The following EYS variants were observed in gnomAD, a reference collection of about 807,000 sequenced individuals.
EYS encodes the protein EGF-like photoreceptor maintenance factor.
Under a neutral mutation model 282.1 loss-of-function variants are expected in EYS, and 250 were observed. The observed-to-expected ratio is 0.89, with a 90% confidence interval of 0.80 to 0.98. The LOEUF (loss-of-function observed/expected upper bound fraction) is 0.98, where lower values mean the gene tolerates loss of function less well. Among genes scored for constraint, EYS ranks in the 50% least tolerant of loss-of-function variants. EYS has a pLI of 0.00. For synonymous variants in EYS, 1,355 were observed against 1,282.9 expected (o/e 1.06, Z -1.20); for missense variants, 4,016 against 3,709.0 (o/e 1.08, Z -2.15).
At position 64,802,029 on chromosome 6, in the gene EYS, T is replaced by TTG. The variant is rs1185603602; in HGVS notation, c.3443+11348_3443+11349insCA. Among the ~76,000 whole-genome samples the TTG allele has an allele frequency of 2.1e-3, 234 of 114,070 alleles. 4 individuals carry two copies. The highest frequency in any genetic ancestry group is 8.0e-3 in the African/African-American group (225 of 28,200). 74.8% of individuals were successfully genotyped at this position (114,070 alleles called of 152,430 possible). On this transcript the variant is annotated intron_variant, in intron 22 of 42. Transcript: ENST00000503581. ...TTATAACAAATTTCTTTTTCTTTTT[T>TTG]TTTCTTTTTTTTTTTTTTTTTTGAG...
At chr6:64,109,376 C>T (rs149774943) in intron 31 of EYS, among the ~76,000 whole-genome samples, 164 of 151,982 alleles carry the variant, frequency 1.1e-3, no homozygotes, top group African/African-American at 3.8e-3. Context: ...TTCATCTGTC[C>T]GTTCTATTTC....
intron 30 of EYS, among the ~76,000 whole-genome samples, chr6:64,275,153 A>G (rs1281952499): frequency 2.0e-5 from 3 of 152,222 alleles, no homozygotes; most frequent in Non-Finnish European, 2.9e-5. Flanking sequence ...GAAAAGCAGA[A>G]ATATCTGTAA....
At chr6:65,402,672 T>G in intron 6 of EYS, 67 bp from the exon 7 acceptor site, 1 of 1,063,382 alleles carries the variant, frequency 9.4e-7, no homozygotes, top group Non-Finnish European at 1.4e-6. Flanking sequence ...GAATGGGTTC[T>G]TACCTGGAGA....
At chr6:65,018,949 G>C (rs767900254) in intron 13 of EYS, among the ~76,000 whole-genome samples, 5 of 152,040 alleles carry the variant, frequency 3.3e-5, no homozygotes, top group Non-Finnish European at 7.4e-5. Flanking sequence ...TGACCTTACT[G>C]TATGACATCA....
chr6:63,867,672 T>C (rs1052389208), intron 35 of EYS, among the ~76,000 whole-genome samples: 2 of 152,214 alleles, frequency 1.3e-5, no homozygotes, highest in African/African-American at 4.8e-5. Context: ...TCAAGTATTT[T>C]AAGGCCTTAG....
chr6:64,823,440 G>A (rs921840622), intron 19 of EYS, among the ~76,000 whole-genome samples: 6 of 151,708 alleles, frequency 4.0e-5, no homozygotes, highest in South Asian at 2.1e-4. Context: ...AGAAAACACC[G>A]AGATGATAAC....
intron 22 of EYS, among the ~76,000 whole-genome samples, chr6:64,769,061 A>C (rs1344289067): frequency 2.0e-5 from 3 of 152,110 alleles, no homozygotes; most frequent in Non-Finnish European, 4.4e-5. Flanking sequence ...TAAGACAAAA[A>C]TAGATCTAAT....
At chr6:65,215,533 C>T (rs1362840064) in intron 12 of EYS, among the ~76,000 whole-genome samples, 2 of 152,188 alleles carry the variant, frequency 1.3e-5, no homozygotes, top group South Asian at 2.1e-4. Context: ...GTGCTGTGAA[C>T]ATTGTTGAAA....
chr6:64,303,263 C>A (rs1769298620), intron 30 of EYS, among the ~76,000 whole-genome samples: 1 of 152,162 alleles, frequency 6.6e-6, no homozygotes, highest in Non-Finnish European at 1.5e-5. Flanking sequence ...ACACATGGAA[C>A]TAAAGTGCCA....
chr6:63,955,780 A>AC (rs1430574279), intron 35 of EYS, among the ~76,000 whole-genome samples: 3 of 152,234 alleles, frequency 2.0e-5, no homozygotes, highest in African/African-American at 7.2e-5. Flanking sequence ...ATTACGCTGA[A>AC]CCCCCTTGGG....
intron 35 of EYS, among the ~76,000 whole-genome samples, chr6:63,946,710 T>A (rs1765407086): frequency 6.7e-6 from 1 of 148,322 alleles, no homozygotes; most frequent in African/African-American, 2.5e-5. Context: ...CTGAATATAG[T>A]CTGGTTTTAT....
chr6:63,940,128 G>T (rs1391190996), intron 35 of EYS, among the ~76,000 whole-genome samples: 2 of 152,128 alleles, frequency 1.3e-5, no homozygotes, highest in Non-Finnish European at 1.5e-5. Context: ...CTTGTTTAGT[G>T]CATCTTGAAT....
chr6:64,696,866 G>A (rs539907077), intron 22 of EYS, among the ~76,000 whole-genome samples: 1 of 151,992 alleles, frequency 6.6e-6, no homozygotes, highest in African/African-American at 2.4e-5. Context: ...GAAATAAAAA[G>A]TTGATACCAG....
rs1773445394 is a variant in EYS, at chr6:63,892,948, G to T, written c.7056-28590C>A. 2.0e-5 allele frequency among the ~76,000 whole-genome samples: 3 copies of T among 152,250 alleles called. No homozygotes were observed. In the South Asian group the frequency reaches 6.2e-4, roughly 32 times the overall value. ...TATGAAGAGATACTTTTCAAAAGAA[G>T]ACGTTTATGCAGCCAACAAGCATAT... On this transcript the variant is annotated intron_variant, in intron 35 of 42. Coordinates refer to ENST00000503581, the MANE Select transcript of EYS (RefSeq NM_001142800.2).
chr6:65,229,688 G>A (rs796531308), intron 12 of EYS, among the ~76,000 whole-genome samples: 34 of 152,002 alleles, frequency 2.2e-4, no homozygotes, highest in African/African-American at 7.9e-4. Context: ...GGAGCTGGGT[G>A]GCAAGTTGCA....
At chr6:65,539,010 G>C (rs1765971553) in intron 2 of EYS, among the ~76,000 whole-genome samples, 1 of 152,160 alleles carries the variant, frequency 6.6e-6, no homozygotes. Context: ...AAAAGAAATA[G>C]AGAGCTTATT....
intron 31 of EYS, among the ~76,000 whole-genome samples, chr6:64,093,833 G>C (rs562712043): frequency 2.0e-5 from 3 of 152,026 alleles, no homozygotes; most frequent in Non-Finnish European, 2.9e-5. Context: ...GTCTTGTGCC[G>C]GTTTTCAAAG....
At chr6:63,955,240 AATC>A (rs748975815) in intron 35 of EYS, among the ~76,000 whole-genome samples, 4 of 152,112 alleles carry the variant, frequency 2.6e-5, no homozygotes, top group Non-Finnish European at 5.9e-5. Flanking sequence ...TCTTCTGTCT[AATC>A]ATACTCTTAT....
chr6:64,228,347 A>G (rs1446722448), intron 31 of EYS, among the ~76,000 whole-genome samples: 1 of 152,184 alleles, frequency 6.6e-6, no homozygotes, highest in Non-Finnish European at 1.5e-5. Context: ...ATACTGAAAC[A>G]TTTTCCAAAA....
Sources: gnomAD v4.1 joint callset for allele counts (sites outside exome capture counted in the v4.1 genomes callset) on GRCh38, gnomAD v4.1.1 for gene constraint, MANE v1.5 for transcripts, NCBI Gene and HGNC (gene_info 2026-07-23, HGNC 2026-07-21) for gene names.